Variants in HIVEP1 observed in about 807,000 individuals in gnomAD.
HIVEP1 encodes the protein zinc finger protein 40.
HIVEP1 carries 36 observed loss-of-function variants against 180.0 expected under a neutral mutation model. The observed-to-expected ratio is 0.20, with a 90% CI of 0.15 to 0.26. HIVEP1 has a LOEUF of 0.26. Among genes scored for constraint, HIVEP1 ranks in the 10% least tolerant of loss-of-function variants. The pLI is 1.00. For missense variants in HIVEP1, 3,143 were observed against 3,268.7 expected (o/e 0.96, Z 0.94); for synonymous variants, 1,239 against 1,239.0 (o/e 1.00, Z 0.00).
Position 12,123,305 on chromosome 6 carries a change from G to A in HIVEP1, c.3510G>A (p.Lys1170=), listed in dbSNP as rs34258344. 4 of 1,613,982 alleles carry A rather than the reference G, an allele frequency of 2.5e-6. No individual in the cohort carries two copies. Among genetic ancestry groups the A allele is most frequent in the Non-Finnish European group, 3.4e-6 (4 of 1,180,018 alleles). Residue 1170 remains lysine (K), a synonymous_variant, in exon 4 of 9, where the codon AAG becomes AAA. Transcript: ENST00000379388. ...VSFQELNRTG[K]SGSLKVIGIS... Reference sequence around the variant, plus strand: ...TCCAGGAGCTGAATAGAACGGGGAAGTCCGGGTCTCTAAAAGTGATAGGAA... The same window carrying A: ...TCCAGGAGCTGAATAGAACGGGGAAATCCGGGTCTCTAAAAGTGATAGGAA...
intron 2 of HIVEP1, among the ~76,000 whole-genome samples, chr6:12,068,662 C>T (rs557365035): frequency 1.5e-4 from 23 of 152,202 alleles, no homozygotes; most frequent in African/African-American, 5.1e-4. Flanking sequence ...AATCGTCACA[C>T]ATATATGTAA....
chr6:12,130,506 C>G (rs559119632), intron 5 of HIVEP1, among the ~76,000 whole-genome samples: 2 of 151,866 alleles, frequency 1.3e-5, no homozygotes, highest in East Asian at 1.9e-4. Flanking sequence ...CCACTGGGCT[C>G]CAGCCTGGGC....
At position 12,138,659 on chromosome 6, in the gene HIVEP1, G is replaced by C. The variant is rs139534593; in HGVS notation, c.6487+2767G>C. On this transcript the variant is annotated intron_variant, in intron 7 of 8. Coordinates refer to ENST00000379388, the MANE Select transcript of HIVEP1 (RefSeq NM_002114.4). The stretch of plus-strand genomic sequence containing the variant: ...GCTCACTTTGTAGGTAGTCTCATCC[G>C]GTCTCCTGACTTCAGATACCATTTC... Among the ~76,000 whole-genome samples the C allele has an allele frequency of 8.5e-5, 13 of 152,050 alleles. No homozygotes were observed. In the East Asian group the frequency reaches 2.5e-3, roughly 29 times the overall value.
At chr6:12,137,067 C>T (rs961004575) in intron 7 of HIVEP1, among the ~76,000 whole-genome samples, 6 of 152,098 alleles carry the variant, frequency 3.9e-5, no homozygotes, top group African/African-American at 1.2e-4. Flanking sequence ...CTGTAACACA[C>T]GAAATGAATC....
chr6:12,158,714 G>T (rs998338007), intron 7 of HIVEP1, among the ~76,000 whole-genome samples: 1 of 152,166 alleles, frequency 6.6e-6, no homozygotes, highest in African/African-American at 2.4e-5. Context: ...GAGACAGGTT[G>T]TATGTGTATG....
upstream of HIVEP1, among the ~76,000 whole-genome samples, chr6:12,010,170 A>G (rs190328666): frequency 6.6e-6 from 1 of 152,364 alleles, no homozygotes; most frequent in Admixed American, 6.5e-5. Context: ...TTCACAAATG[A>G]GAGATGGTTA....
At position 12,049,051 on chromosome 6, in the gene HIVEP1, G is replaced by A. The variant is rs190583491; in HGVS notation, c.40+33383G>A. Among the ~76,000 whole-genome samples the A allele has an allele frequency of 3.4e-3, 517 of 152,298 alleles. 11 individuals carry two copies. In the Middle Eastern group the frequency reaches 0.037, roughly 11 times the overall value. ...CTGGCTTACCCAAAGGAAAATAAAA[G>A]AGGTGAGAATACAGCAAAAGGTGGG... On this transcript the variant is annotated intron_variant, in intron 2 of 8. Transcript: ENST00000379388.
chr6:12,014,968 T>A (rs182355943), intron 1 of HIVEP1, among the ~76,000 whole-genome samples: 2 of 152,228 alleles, frequency 1.3e-5, no homozygotes, highest in African/African-American at 4.8e-5. Context: ...GATCATGCTG[T>A]GGTAATAACT....
chr6:12,072,659 C>T (rs1314058828), intron 2 of HIVEP1, among the ~76,000 whole-genome samples: 2 of 152,128 alleles, frequency 1.3e-5, no homozygotes, highest in African/African-American at 4.8e-5. Context: ...AGGCTTTTCT[C>T]TGTATGCGTT....
Position 12,163,364 on chromosome 6 carries a change from C to G in HIVEP1, c.7060C>G (p.Pro2354Ala), listed in dbSNP as rs755901662. ...AGCGGGGATGCCTTCTGTGGCCTCA[C>G]CACATCCTGACCCTCAAGAACAGAA... ...TAAGMPSVAS[P>A]HPDPQEQKQQ... The change falls in exon 9 of 9, where the codon CCA (proline) becomes GCA (alanine). Residue 2354 changes from proline to alanine, a missense_variant. Around this residue, in one of 12 missense-constraint regions of HIVEP1, gnomAD observed 595 missense variants for 602.2 expected, o/e 0.99. Coordinates refer to ENST00000379388, the MANE Select transcript of HIVEP1 (RefSeq NM_002114.4). 6.2e-7 allele frequency: 1 copy of G among 1,614,064 alleles called. No homozygotes were observed. The highest frequency in any genetic ancestry group is 1.3e-5 in the African/African-American group (1 of 74,920).
At chr6:12,093,833 T>C (rs919184419) in intron 3 of HIVEP1, among the ~76,000 whole-genome samples, 1 of 152,044 alleles carries the variant, frequency 6.6e-6, no homozygotes, top group African/African-American at 2.4e-5. Flanking sequence ...CTATATACAG[T>C]AGGGCAGATT....
Position 12,125,209 on chromosome 6 carries a change from C to T in HIVEP1, c.5414C>T (p.Thr1805Ile), listed in dbSNP as rs773056480. The T allele has an allele frequency of 6.2e-7, 1 of 1,614,148 alleles. No individual in the cohort carries two copies. Among genetic ancestry groups the T allele is most frequent in the Non-Finnish European group, 8.5e-7 (1 of 1,180,018 alleles). The change falls in exon 4 of 9, where the codon ACA becomes ATA. Residue 1805 changes from threonine to isoleucine, a missense_variant. Thr to Ile is a moderately conservative substitution (Grantham distance 89). Coordinates refer to ENST00000379388, the MANE Select transcript of HIVEP1 (RefSeq NM_002114.4). ...ATTTTAGTGAGACAGGTTTGTACTACAGAGCCCCTGGACGGTGTGATGTTG... is the reference window on the plus strand; with the variant it reads ...ATTTTAGTGAGACAGGTTTGTACTATAGAGCCCCTGGACGGTGTGATGTTG... ...KPILVRQVCT[T>I]EPLDGVMLEK...
chr6:12,145,755 G>GT (rs773189619), intron 7 of HIVEP1, among the ~76,000 whole-genome samples: 17 of 152,158 alleles, frequency 1.1e-4, no homozygotes, highest in South Asian at 4.1e-4. Flanking sequence ...ACTTGTGTGC[G>GT]TGTTTATTAT....
At chr6:12,079,242 A>G (rs1174910899) in intron 2 of HIVEP1, among the ~76,000 whole-genome samples, 2 of 152,212 alleles carry the variant, frequency 1.3e-5, no homozygotes, top group Non-Finnish European at 2.9e-5. Context: ...CAACATCTTT[A>G]TAACAATAGT....
chr6:12,184,765 A>G, the HIVEP1 span, among the ~76,000 whole-genome samples: 2 of 152,240 alleles, frequency 1.3e-5, no homozygotes, highest in Non-Finnish European at 2.9e-5. Flanking sequence ...CAAAACTTTT[A>G]TGAGTCATTA....
Position 12,099,183 on chromosome 6 carries a change from G to GGTTTTTTTTTTTTTTTTTTTTTTTTTTTT in HIVEP1, c.94+9946_94+9947insGTTTTTTTTTTTTTTTTTTTTTTTTTTTT, listed in dbSNP as rs373744044. On this transcript the variant is annotated intron_variant, in intron 3 of 8. Transcript: ENST00000379388. The stretch of plus-strand genomic sequence containing the variant: ...AGGAGCCAGAGGGAAATGTCACTGA[G>GGTTTTTTTTTTTTTTTTTTTTTTTTTTTT]TTTTTTTTTTTTTTTTGAGACGGAG... 1.2e-4 allele frequency among the ~76,000 whole-genome samples: 17 copies of GGTTTTTTTTTTTTTTTTTTTTTTTTTTTT among 138,440 alleles called. 1 individual carries two copies. The highest frequency in any genetic ancestry group is 3.8e-4 in the African/African-American group (14 of 36,558). The allele number at this position is 138,440 out of a possible 152,430, so 90.8% of individuals were successfully genotyped here.
Position 12,061,737 on chromosome 6 carries a change from T to C in HIVEP1, c.41-27447T>C, listed in dbSNP as rs367619449. On this transcript the variant is annotated intron_variant, in intron 2 of 8. Coordinates refer to ENST00000379388, the MANE Select transcript of HIVEP1 (RefSeq NM_002114.4). ...AGTGGTAAATTGAATATGAAAATTATATTTGTCTTTTGTTTTCTTGTGGAT... is the reference window on the plus strand; with the variant it reads ...AGTGGTAAATTGAATATGAAAATTACATTTGTCTTTTGTTTTCTTGTGGAT... Among the ~76,000 whole-genome samples the C allele has an allele frequency of 1.9e-3, 285 of 152,328 alleles. 9 individuals carry two copies. In the South Asian group the frequency reaches 0.056, roughly 30 times the overall value.
upstream of HIVEP1, among the ~76,000 whole-genome samples, chr6:12,011,827 G>A (rs1429433210): frequency 1.4e-5 from 2 of 146,784 alleles, no homozygotes; most frequent in African/African-American, 2.5e-5. Context: ...GGCGTCCCGC[G>A]CCCCTCGCCC....
At chr6:12,058,194 T>A (rs1315839669) in intron 2 of HIVEP1, among the ~76,000 whole-genome samples, 1 of 151,616 alleles carries the variant, frequency 6.6e-6, no homozygotes, top group East Asian at 1.9e-4. Context: ...GGTCTGAGAG[T>A]GTTTGTCAGT....
Sources: allele counts gnomAD v4.1 joint callset (sites outside exome capture counted in the v4.1 genomes callset), GRCh38; gene constraint gnomAD v4.1.1; regional missense constraint gnomAD v4.1.1; transcripts MANE v1.5; gene names NCBI Gene and HGNC (gene_info 2026-07-23, HGNC 2026-07-21).